MAST4: variants seen among roughly 807,000 people sequenced by gnomAD.
The protein encoded by MAST4 is microtubule associated serine/threonine kinase family member 4, also known as microtubule-associated serine/threonine-protein kinase 4.
A neutral mutation model predicts 162.7 loss-of-function variants in MAST4; 89 were observed. The observed-to-expected ratio is 0.55, with a 90% confidence interval of 0.46 to 0.65. The LOEUF (loss-of-function observed/expected upper bound fraction) is 0.65. MAST4 is among the 30% of genes least tolerant of loss of function. The pLI is 0.00. For missense variants in MAST4, 3,153 were observed against 3,374.0 expected, an observed-to-expected ratio of 0.93 and a Z score of 1.62; for synonymous variants, 1,479 against 1,361.1, an observed-to-expected ratio of 1.09 and a Z score of -1.91.
intron 4 of MAST4, among the ~76,000 whole-genome samples, chr5:66,939,188 AAG>A (rs1309182198): frequency 1.3e-5 from 2 of 152,164 alleles, no homozygotes; most frequent in African/African-American, 4.8e-5. Context: ...GAAATTTGTG[AAG>A]AGAGAAACAA....
intron 1 of MAST4, among the ~76,000 whole-genome samples, chr5:66,696,272 T>G (rs945856625): frequency 6.6e-6 from 1 of 152,038 alleles, no homozygotes; most frequent in Non-Finnish European, 1.5e-5. Flanking sequence ...ACTTAGGTGA[T>G]GGATTGATAG....
At chr5:66,848,947 T>C (rs1033823724) in intron 3 of MAST4, among the ~76,000 whole-genome samples, 27 of 152,170 alleles carry the variant, frequency 1.8e-4, no homozygotes, top group African/African-American at 6.3e-4. Context: ...TATGCTGCGT[T>C]CCCCAGCGTT....
At chr5:66,972,006 T>TAA (rs111389931) in intron 4 of MAST4, among the ~76,000 whole-genome samples, 2 of 149,638 alleles carry the variant, frequency 1.3e-5, no homozygotes, top group East Asian at 2.0e-4. Context: ...GCGAAAACTT[T>TAA]AAAAAAAAAA....
chr5:66,758,034 C>T (rs1753647756), intron 1 of MAST4, among the ~76,000 whole-genome samples: 1 of 150,960 alleles, frequency 6.6e-6, no homozygotes. Flanking sequence ...GTGATAAGTT[C>T]AGCTCTGCAT....
At chr5:66,789,118 G>A (rs1228493139) in intron 3 of MAST4, among the ~76,000 whole-genome samples, 3 of 152,102 alleles carry the variant, frequency 2.0e-5, no homozygotes, top group Non-Finnish European at 4.4e-5. Context: ...TAGAATACCA[G>A]TTTATCCTTT....
chr5:66,927,544 C>G (rs935694818), intron 4 of MAST4, among the ~76,000 whole-genome samples: 1 of 152,128 alleles, frequency 6.6e-6, no homozygotes, highest in Admixed American at 6.5e-5. Context: ...TGGAACCACC[C>G]CTGAAGTCTG....
chr5:67,018,123 G>T (rs1351697597), intron 4 of MAST4, among the ~76,000 whole-genome samples: 1 of 152,068 alleles, frequency 6.6e-6, no homozygotes, highest in Non-Finnish European at 1.5e-5. Flanking sequence ...ATGAGGAAAT[G>T]ATTAACACAT....
intron 3 of MAST4, among the ~76,000 whole-genome samples, chr5:66,836,290 A>G (rs554066279): frequency 6.6e-6 from 1 of 152,202 alleles, no homozygotes; most frequent in South Asian, 2.1e-4. Flanking sequence ...CATTTAAAAT[A>G]TGCATTATAT....
chr5:66,713,565 T>A (rs1243070054), intron 1 of MAST4, among the ~76,000 whole-genome samples: 1 of 152,252 alleles, frequency 6.6e-6, no homozygotes, highest in African/African-American at 2.4e-5. Flanking sequence ...AGTTTGGGCT[T>A]GTTTACCCTC....
chr5:66,799,582 C>T (rs1261077200), intron 3 of MAST4, among the ~76,000 whole-genome samples: 1 of 152,182 alleles, frequency 6.6e-6, no homozygotes, highest in African/African-American at 2.4e-5. Flanking sequence ...TACATTTTAA[C>T]TGAACTTTGA....
chr5:66,928,038 A>C (rs1473081404), intron 4 of MAST4, among the ~76,000 whole-genome samples: 1 of 152,160 alleles, frequency 6.6e-6, no homozygotes, highest in Non-Finnish European at 1.5e-5. Flanking sequence ...TTATAAGGAC[A>C]CAGTTATATT....
At chr5:67,054,157 G>A (rs1229473661) in intron 4 of MAST4, among the ~76,000 whole-genome samples, 1 of 152,136 alleles carries the variant, frequency 6.6e-6, no homozygotes, top group African/African-American at 2.4e-5. Flanking sequence ...GCTGGAAGAA[G>A]GCATTTGATT....
At chr5:66,643,137 A>T (rs1382247613) in intron 1 of MAST4, among the ~76,000 whole-genome samples, 1 of 152,146 alleles carries the variant, frequency 6.6e-6, no homozygotes, top group Non-Finnish European at 1.5e-5. Context: ...ATCTGACATT[A>T]TAGAATTAAA....
Position 66,978,837 on chromosome 5 carries a change from T to C in MAST4, c.675-75567T>C, listed in dbSNP as rs371863077. 5.3e-5 allele frequency among the ~76,000 whole-genome samples: 8 copies of C among 152,328 alleles called. No homozygotes were observed. In the East Asian group the frequency reaches 1.5e-3, roughly 29 times the overall value. ...CTTGCTAGTCTTGAGCTTTCTTTTT[T>C]CGGTGTAGGACATGTCTGGAGGTTT... On this transcript the variant is annotated intron_variant, in intron 4 of 28. Transcript: ENST00000403625.
intron 19 of MAST4, among the ~76,000 whole-genome samples, chr5:67,141,297 T>C (rs1770381827): frequency 6.6e-6 from 1 of 152,208 alleles, no homozygotes; most frequent in Admixed American, 6.5e-5. Context: ...CAGGATTGAT[T>C]CTTTGTTATC....
intron 3 of MAST4, among the ~76,000 whole-genome samples, chr5:66,831,889 C>G (rs1757625170): frequency 6.6e-6 from 1 of 152,150 alleles, no homozygotes; most frequent in African/African-American, 2.4e-5. Context: ...CTAGACAGGT[C>G]TAATTCATCA....
intron 4 of MAST4, among the ~76,000 whole-genome samples, chr5:67,031,836 C>A (rs1755368024): frequency 6.6e-6 from 1 of 152,138 alleles, no homozygotes; most frequent in African/African-American, 2.4e-5. Context: ...GCAGTTCTCC[C>A]TGCTGGGTCA....
chr5:66,672,338 C>G (rs1355301066), intron 1 of MAST4, among the ~76,000 whole-genome samples: 1 of 152,168 alleles, frequency 6.6e-6, no homozygotes, highest in East Asian at 1.9e-4. Flanking sequence ...CTTTTTCCCT[C>G]CCTTTCCTTT....
chr5:67,022,527 G>A (rs1754111824), intron 4 of MAST4, among the ~76,000 whole-genome samples: 1 of 152,074 alleles, frequency 6.6e-6, no homozygotes, highest in African/African-American at 2.4e-5. Context: ...TGTGGAACTT[G>A]GGAAACAAGG....
Sources: allele counts gnomAD v4.1 joint callset (sites outside exome capture counted in the v4.1 genomes callset), GRCh38; gene constraint gnomAD v4.1.1; transcripts MANE v1.5; gene names NCBI Gene and HGNC (gene_info 2026-07-23, HGNC 2026-07-21).